LRMDA: variants seen among roughly 807,000 people sequenced by gnomAD.
The protein encoded by LRMDA is leucine-rich melanocyte differentiation-associated protein.
Under a neutral mutation model 29.8 loss-of-function variants are expected in LRMDA, and 18 were observed. The ratio of observed to expected loss-of-function variants is 0.60; its 90% CI spans 0.42 to 0.90. LRMDA has a LOEUF of 0.90. Ranked by LOEUF, LRMDA falls within the 40% of genes least tolerant of loss-of-function variation. The pLI is 0.00. For synonymous variants in LRMDA, 125 were observed against 109.4 expected (o/e 1.14, Z -0.89); for missense variants, 273 against 273.9 (o/e 1.00, Z 0.02).
At chr10:76,014,148 A>ATATATATATATATAAT (rs1387043686) in intron 2 of LRMDA, among the ~76,000 whole-genome samples, 38 of 140,338 alleles carry the variant, frequency 2.7e-4, no homozygotes, top group South Asian at 6.7e-4. Flanking sequence ...ATATATAATT[A>ATATATATATATATAAT]TATATATATA....
At chr10:76,311,946 G>T (rs1442148612) in intron 5 of LRMDA, among the ~76,000 whole-genome samples, 1 of 152,134 alleles carries the variant, frequency 6.6e-6, no homozygotes, top group East Asian at 1.9e-4. Context: ...ACATAACAGG[G>T]TATTGATGTC....
At chr10:76,250,854 T>C (rs1206328172) in intron 5 of LRMDA, among the ~76,000 whole-genome samples, 7 of 152,196 alleles carry the variant, frequency 4.6e-5, no homozygotes, top group Non-Finnish European at 1.0e-4. Flanking sequence ...AGAATTATCA[T>C]AGCAAACCCT....
intron 5 of LRMDA, among the ~76,000 whole-genome samples, chr10:76,274,827 G>C (rs892366249): frequency 7.2e-5 from 11 of 152,060 alleles, no homozygotes; most frequent in Non-Finnish European, 1.2e-4. Flanking sequence ...TGCTCTGAAG[G>C]ATGAAGATCA....
chr10:75,839,711 T>C (rs893030711), intron 2 of LRMDA, among the ~76,000 whole-genome samples: 7 of 141,144 alleles, frequency 5.0e-5, no homozygotes, highest in South Asian at 2.3e-4. Context: ...TTTTTTTTTT[T>C]TTTTTTTTTT....
intron 6 of LRMDA, among the ~76,000 whole-genome samples, chr10:76,381,942 T>C (rs948536982): frequency 1.3e-5 from 2 of 152,228 alleles, no homozygotes; most frequent in Non-Finnish European, 2.9e-5. Context: ...AATTGGTTTT[T>C]ATAAATGATG....
intron 5 of LRMDA, among the ~76,000 whole-genome samples, chr10:76,205,309 A>T (rs1409789882): frequency 6.6e-6 from 1 of 152,164 alleles, no homozygotes; most frequent in African/African-American, 2.4e-5. Flanking sequence ...AAAGAAGGAT[A>T]TATCCTGGGT....
At chr10:76,530,721 A>T (rs1843224577) in intron 6 of LRMDA, among the ~76,000 whole-genome samples, 1 of 152,214 alleles carries the variant, frequency 6.6e-6, no homozygotes, top group African/African-American at 2.4e-5. Flanking sequence ...TGTCTTTATA[A>T]CTAGAAGATG....
At chr10:76,350,114 G>A (rs1841156854) in intron 6 of LRMDA, among the ~76,000 whole-genome samples, 1 of 151,436 alleles carries the variant, frequency 6.6e-6, no homozygotes, top group South Asian at 2.1e-4. Flanking sequence ...GGCAAAACTA[G>A]GATGAAAACC....
At chr10:75,632,094 G>A (rs1186626209) in intron 2 of LRMDA, among the ~76,000 whole-genome samples, 9 of 152,132 alleles carry the variant, frequency 5.9e-5, no homozygotes, top group Admixed American at 5.9e-4. Context: ...CTTCTACATT[G>A]CATAGCAGAC....
intron 6 of LRMDA, among the ~76,000 whole-genome samples, chr10:76,461,131 A>G (rs899233165): frequency 6.6e-6 from 1 of 152,180 alleles, no homozygotes; most frequent in Non-Finnish European, 1.5e-5. Flanking sequence ...ACCACATTGT[A>G]GCAAACACAC....
intron 5 of LRMDA, among the ~76,000 whole-genome samples, chr10:76,100,869 C>T (rs73283363): frequency 0.04 from 6,026 of 151,936 alleles, 405 homozygotes; most frequent in African/African-American, 0.14. Context: ...TCTGTGAGCA[C>T]ATAGAGAGGT....
At chr10:75,788,024 G>A (rs1488591743) in intron 2 of LRMDA, among the ~76,000 whole-genome samples, 16 of 114,698 alleles carry the variant, frequency 1.4e-4, no homozygotes, top group East Asian at 4.8e-4. Context: ...GTGAGACTCC[G>A]TCTCAAAAAC....
At chr10:75,742,067 AC>A (rs1842836723) in intron 2 of LRMDA, among the ~76,000 whole-genome samples, 1 of 152,190 alleles carries the variant, frequency 6.6e-6, no homozygotes, top group Admixed American at 6.5e-5. Flanking sequence ...CACGAAAAAT[AC>A]GTTTCTGTTG....
intron 2 of LRMDA, among the ~76,000 whole-genome samples, chr10:75,461,041 C>T (rs984885292): frequency 6.6e-6 from 1 of 152,194 alleles, no homozygotes; most frequent in Non-Finnish European, 1.5e-5. Flanking sequence ...TACCTATCCT[C>T]AGCCATAGCT....
At chr10:76,096,810 C>T (rs1248483488) in intron 5 of LRMDA, among the ~76,000 whole-genome samples, 1 of 152,024 alleles carries the variant, frequency 6.6e-6, no homozygotes, top group Non-Finnish European at 1.5e-5. Flanking sequence ...AAATCTTGCT[C>T]ATACTTTGTT....
intron 2 of LRMDA, among the ~76,000 whole-genome samples, chr10:75,785,691 T>G (rs1480264451): frequency 6.6e-6 from 1 of 152,200 alleles, no homozygotes; most frequent in East Asian, 1.9e-4. Flanking sequence ...GTAATGAAGA[T>G]CTGAAACAAG....
intron 5 of LRMDA, among the ~76,000 whole-genome samples, chr10:76,109,867 C>A (rs957759919): frequency 1.3e-5 from 2 of 152,170 alleles, no homozygotes; most frequent in Non-Finnish European, 2.9e-5. Context: ...ACCTCCCTGG[C>A]CACTCTTACA....
chr10:75,824,640 G>GTCGAA (rs1488505940), intron 2 of LRMDA, among the ~76,000 whole-genome samples: 1 of 152,166 alleles, frequency 6.6e-6, no homozygotes. Flanking sequence ...CTTTAGAGGT[G>GTCGAA]CTTCTGGCTT....
At chr10:75,670,543 G>A (rs1167726980) in intron 2 of LRMDA, among the ~76,000 whole-genome samples, 1 of 152,190 alleles carries the variant, frequency 6.6e-6, no homozygotes, top group African/African-American at 2.4e-5. Context: ...TAGATGGTGA[G>A]GAGCTGGCTT....
Sources: gnomAD v4.1 joint callset for allele counts (sites outside exome capture counted in the v4.1 genomes callset) on GRCh38, gnomAD v4.1.1 for gene constraint, MANE v1.5 for transcripts, NCBI Gene and HGNC (gene_info 2026-07-23, HGNC 2026-07-21) for gene names.